AGBL4: variants seen among roughly 807,000 people sequenced by gnomAD.
AGBL4 encodes the protein cytosolic carboxypeptidase 6.
In AGBL4, 58 loss-of-function variants were observed where a neutral mutation model predicts 66.4. That is an observed-to-expected ratio of 0.87 (90% CI 0.71 to 1.09). AGBL4 has a LOEUF of 1.09. Among genes scored for constraint, AGBL4 ranks in the 50% least tolerant of loss-of-function variants. AGBL4 has a pLI of 0.00. For missense variants in AGBL4, 579 were observed against 631.0 expected, an observed-to-expected ratio of 0.92 and a Z score of 0.88; for synonymous variants, 234 against 222.9, an observed-to-expected ratio of 1.05 and a Z score of -0.44.
chr1:49,001,574 A>G (rs1661397226), intron 5 of AGBL4, among the ~76,000 whole-genome samples: 2 of 151,992 alleles, frequency 1.3e-5, no homozygotes, highest in Admixed American at 1.3e-4. Flanking sequence ...CTTGACTCCA[A>G]CCCTAATTCT....
chr1:49,785,593 A>G (rs1644433004), intron 2 of AGBL4, among the ~76,000 whole-genome samples: 1 of 152,022 alleles, frequency 6.6e-6, no homozygotes, highest in African/African-American at 2.4e-5. Context: ...GGCAATGATA[A>G]CAATGATGTT....
chr1:48,930,880 T>C (rs1654983096), intron 5 of AGBL4, among the ~76,000 whole-genome samples: 2 of 152,322 alleles, frequency 1.3e-5, no homozygotes, highest in South Asian at 4.1e-4. Context: ...GCAGGCACTA[T>C]GGCAGCATCT....
At chr1:49,009,297 T>C (rs1186244968) in intron 5 of AGBL4, among the ~76,000 whole-genome samples, 10 of 152,120 alleles carry the variant, frequency 6.6e-5, no homozygotes, top group African/African-American at 1.7e-4. Flanking sequence ...ATAAATTCCT[T>C]GACACATACA....
chr1:49,484,152 A>G lies in AGBL4; in HGVS notation c.282+213161T>C, dbSNP rs150511907. 8.1e-3 allele frequency among the ~76,000 whole-genome samples: 1,226 copies of G among 152,190 alleles called. 14 individuals carry two copies. Among genetic ancestry groups the G allele is most frequent in the Middle Eastern group, 0.031 (9 of 294 alleles). On this transcript the variant is annotated intron_variant, in intron 3 of 13. Transcript: ENST00000371839. ...GATCCCTCATACACTGTTTGTGGGA[A>G]TGTAAATTAGTACAACCACTGAGAA...
chr1:49,963,164 T>G (rs1316180647), intron 1 of AGBL4, among the ~76,000 whole-genome samples: 1 of 152,140 alleles, frequency 6.6e-6, no homozygotes, highest in African/African-American at 2.4e-5. Flanking sequence ...AAAAATAATT[T>G]TATTGGAAAA....
chr1:49,473,914 A>G (rs958164344), intron 3 of AGBL4, among the ~76,000 whole-genome samples: 2 of 152,010 alleles, frequency 1.3e-5, no homozygotes, highest in African/African-American at 2.4e-5. Context: ...TTATTTTTGT[A>G]AACTTTGTTG....
intron 3 of AGBL4, among the ~76,000 whole-genome samples, chr1:49,499,118 C>A (rs1426894069): frequency 2.0e-5 from 3 of 151,768 alleles, no homozygotes; most frequent in African/African-American, 7.3e-5. Context: ...TTTTGGGAGT[C>A]CTTAAAAAAT....
chr1:49,811,045 A>G lies in AGBL4; in HGVS notation c.157+40351T>C, dbSNP rs113470356. On this transcript the variant is annotated intron_variant, in intron 2 of 13. Transcript: ENST00000371839. ...TAGTGAAAATAAGAGTAAAGAGTTA[A>G]GTGGGAGAAGAGCTTCAAGGTCTGG... 6.3e-3 allele frequency among the ~76,000 whole-genome samples: 953 copies of G among 152,304 alleles called. 6 individuals carry two copies. The highest frequency in any genetic ancestry group is 0.022 in the African/African-American group (911 of 41,572).
chr1:49,717,791 G>A (rs1005704419), intron 2 of AGBL4, among the ~76,000 whole-genome samples: 21 of 151,882 alleles, frequency 1.4e-4, no homozygotes, highest in Admixed American at 1.1e-3. Flanking sequence ...TCTCTGTTGA[G>A]CAAATGTATA....
intron 4 of AGBL4, among the ~76,000 whole-genome samples, chr1:49,094,616 G>A (rs535622982): frequency 5.3e-5 from 8 of 152,084 alleles, no homozygotes; most frequent in South Asian, 2.1e-4. Flanking sequence ...TTTTTGCATC[G>A]ATGTTCATCA....
chr1:49,370,926 G>A (rs1347860872), intron 3 of AGBL4, among the ~76,000 whole-genome samples: 1 of 152,070 alleles, frequency 6.6e-6, no homozygotes, highest in Admixed American at 6.6e-5. Context: ...CATAATGTGG[G>A]TGGGCCTCAT....
chr1:49,839,550 A>T (rs898153422), intron 2 of AGBL4, among the ~76,000 whole-genome samples: 2 of 152,224 alleles, frequency 1.3e-5, no homozygotes, highest in South Asian at 4.1e-4. Flanking sequence ...TTTGGATTTT[A>T]TCCTGAAAAC....
intron 6 of AGBL4, among the ~76,000 whole-genome samples, chr1:48,802,909 C>T (rs1645842659): frequency 6.6e-6 from 1 of 152,154 alleles, no homozygotes; most frequent in South Asian, 2.1e-4. Flanking sequence ...CCATAGACCT[C>T]TGGTTCCAAC....
At chr1:49,916,404 T>C (rs1651499769) in intron 1 of AGBL4, among the ~76,000 whole-genome samples, 1 of 152,120 alleles carries the variant, frequency 6.6e-6, no homozygotes, top group African/African-American at 2.4e-5. Context: ...CTGATGGAGC[T>C]GAAAACCATG....
intron 4 of AGBL4, among the ~76,000 whole-genome samples, chr1:49,190,543 C>T (rs1396929390): frequency 1.3e-5 from 2 of 152,106 alleles, no homozygotes; most frequent in African/African-American, 4.8e-5. Flanking sequence ...CCATTGAATA[C>T]CCATATTAAT....
intron 4 of AGBL4, among the ~76,000 whole-genome samples, chr1:49,171,340 T>G (rs1474470302): frequency 6.6e-6 from 1 of 152,220 alleles, no homozygotes; most frequent in Non-Finnish European, 1.5e-5. Flanking sequence ...TGTTTCCATG[T>G]GTGTGGGTTA....
At chr1:49,134,406 A>T (rs1456224422) in intron 4 of AGBL4, among the ~76,000 whole-genome samples, 2 of 151,844 alleles carry the variant, frequency 1.3e-5, no homozygotes, top group Non-Finnish European at 2.9e-5. Context: ...ACTGCAGGAG[A>T]CTAGGGCGTG....
At chr1:49,344,446 G>A (rs187794806) in intron 3 of AGBL4, among the ~76,000 whole-genome samples, 68 of 152,288 alleles carry the variant, frequency 4.5e-4, no homozygotes, top group Non-Finnish European at 1.3e-4. Context: ...AGGCTTAAAG[G>A]ATTGTTTTAA....
intron 2 of AGBL4, among the ~76,000 whole-genome samples, chr1:49,783,016 T>C (rs1358354114): frequency 1.3e-5 from 2 of 152,118 alleles, no homozygotes; most frequent in Non-Finnish European, 2.9e-5. Flanking sequence ...GTTTTTTTTT[T>C]TTCCATAATG....
Sources: allele counts gnomAD v4.1 joint callset (sites outside exome capture counted in the v4.1 genomes callset), GRCh38; gene constraint gnomAD v4.1.1; transcripts MANE v1.5; gene names NCBI Gene and HGNC (gene_info 2026-07-23, HGNC 2026-07-21).